The following ITGA8 variants were observed in gnomAD, a reference collection of about 807,000 sequenced individuals.
The protein encoded by ITGA8 is integrin subunit alpha 8, also known as integrin alpha-8.
A neutral mutation model predicts 142.3 loss-of-function variants in ITGA8; 91 were observed. The ratio of observed to expected loss-of-function variants is 0.64; its 90% CI spans 0.54 to 0.76. The LOEUF (loss-of-function observed/expected upper bound fraction) is 0.76, where lower values mean the gene tolerates loss of function less well. ITGA8 is among the 30% of genes least tolerant of loss of function. ITGA8 has a pLI of 0.00. For missense variants in ITGA8, 1,406 were observed against 1,327.7 expected (o/e 1.06, Z -0.92); for synonymous variants, 505 against 485.2 (o/e 1.04, Z -0.54).
intron 27 of ITGA8, among the ~76,000 whole-genome samples, chr10:15,546,492 C>T (rs555011342): frequency 9.9e-5 from 15 of 152,284 alleles, no homozygotes; most frequent in African/African-American, 3.6e-4. Flanking sequence ...CCCCTGAGGA[C>T]ATTGGCAATA....
intron 27 of ITGA8, among the ~76,000 whole-genome samples, chr10:15,533,135 T>G (rs1020356694): frequency 6.6e-6 from 1 of 152,232 alleles, no homozygotes; most frequent in Non-Finnish European, 1.5e-5. Flanking sequence ...ATAATTTTCC[T>G]TAAATATTTT....
At position 15,516,903 on chromosome 10, in the gene ITGA8, T is replaced by C. The variant is rs1832971515; in HGVS notation, c.*255A>G. ...AAAGTGTCTGCCAAGTACAGAACGA[T>C]TAAAGCAAAAGAAAATCTTCCACAA... On this transcript the variant is annotated 3_prime_UTR_variant, in exon 30 of 30. Transcript: ENST00000378076. 5.5e-6 allele frequency: 2 copies of C among 363,778 alleles called. No individual in the cohort carries two copies. The highest frequency in any genetic ancestry group is 1.0e-5 in the Non-Finnish European group (2 of 198,068). 22.5% of individuals were successfully genotyped at this position (363,778 alleles called of 1,614,324 possible). A position where few individuals can be genotyped will look rare whatever the true frequency, so the allele number is the denominator to read the frequency against.
Position 15,644,108 on chromosome 10 carries a change from A to G in ITGA8, c.1321T>C (p.Trp441Arg), listed in dbSNP as rs1833920551. 6 of 1,614,040 alleles carry G rather than the reference A, an allele frequency of 3.7e-6. No homozygotes were observed. The change falls in exon 13 of 30, where the codon TGG (tryptophan) becomes CGG (arginine). Residue 441 changes from tryptophan to arginine, a missense_variant. Coordinates refer to ENST00000378076, the MANE Select transcript of ITGA8 (RefSeq NM_003638.3). Reference sequence around the variant, plus strand: ...CCGGAAGGGACAGCATGTGAGGCCCACACTCCTTGCAGAACTTGGGAAGGC... The same window carrying G: ...CCGGAAGGGACAGCATGTGAGGCCCGCACTCCTTGCAGAACTTGGGAAGGC... ...TKPSQVLQGVWASHAVPSGFG... is the reference protein window; with the variant it reads ...TKPSQVLQGVRASHAVPSGFG...
At chr10:15,705,068 C>A (rs1835233210) in intron 2 of ITGA8, among the ~76,000 whole-genome samples, 1 of 152,084 alleles carries the variant, frequency 6.6e-6, no homozygotes, top group Non-Finnish European at 1.5e-5. Context: ...AGAATTCAAA[C>A]CTTCTGTGTC....
At chr10:15,548,098 A>ATTTTTT (rs1213511861) in intron 27 of ITGA8, among the ~76,000 whole-genome samples, 8 of 147,296 alleles carry the variant, frequency 5.4e-5, no homozygotes, top group African/African-American at 2.0e-4. Flanking sequence ...TCAAGTTTTA[A>ATTTTTT]TTTTTTTTTT....
chr10:15,570,663 G>A (rs1286282046), intron 25 of ITGA8, among the ~76,000 whole-genome samples: 8 of 149,624 alleles, frequency 5.3e-5, no homozygotes, highest in Admixed American at 5.3e-4. Context: ...GGGAACACCA[G>A]GTGCTTAGTA....
chr10:15,630,393 C>T (rs921708834), intron 13 of ITGA8, among the ~76,000 whole-genome samples: 2 of 152,030 alleles, frequency 1.3e-5, no homozygotes, highest in Non-Finnish European at 2.9e-5. Flanking sequence ...TTGTGCCAGC[C>T]GCTGCCTTGG....
chr10:15,531,576 T>C (rs1833295714), intron 27 of ITGA8, among the ~76,000 whole-genome samples: 2 of 152,070 alleles, frequency 1.3e-5, no homozygotes, highest in Admixed American at 1.3e-4. Flanking sequence ...AGGAGAAACA[T>C]AATGGGTGAC....
At chr10:15,573,979 TTA>T (rs1238821004) in intron 24 of ITGA8, among the ~76,000 whole-genome samples, 4 of 152,188 alleles carry the variant, frequency 2.6e-5, no homozygotes, top group Non-Finnish European at 4.4e-5. Context: ...AGAAAATTAT[TTA>T]TGTTTGTTTA....
chr10:15,608,296 G>GA lies in ITGA8; in HGVS notation c.1554-7dup, dbSNP rs1307774996. On this transcript the variant is annotated splice_region_variant and splice_polypyrimidine_tract_variant and intron_variant, in intron 15 of 29. Transcript: ENST00000378076. ...CACATACTCTTAAAGAAAAGCTATAGAAAATAGTAGTAATTTATTGGTTAA... is the reference window on the plus strand; with the variant it reads ...CACATACTCTTAAAGAAAAGCTATAGAAAAATAGTAGTAATTTATTGGTTAA... 2 of 1,570,454 alleles carry GA rather than the reference G, an allele frequency of 1.3e-6. No homozygotes were observed. Among genetic ancestry groups the GA allele is most frequent in the Non-Finnish European group, 1.7e-6 (2 of 1,154,500 alleles).
At chr10:15,627,542 A>G (rs1479012236) in intron 13 of ITGA8, among the ~76,000 whole-genome samples, 1 of 152,232 alleles carries the variant, frequency 6.6e-6, no homozygotes, top group Non-Finnish European at 1.5e-5. Flanking sequence ...AAAGAAGAGC[A>G]TCACATGAAC....
chr10:15,622,484 T>C (rs1223718893), intron 13 of ITGA8, among the ~76,000 whole-genome samples: 1 of 152,114 alleles, frequency 6.6e-6, no homozygotes, highest in East Asian at 1.9e-4. Context: ...ATAAAAACAT[T>C]ATGATTAATC....
chr10:15,572,879 G>A (rs1038685182), intron 24 of ITGA8, among the ~76,000 whole-genome samples: 6 of 152,176 alleles, frequency 3.9e-5, no homozygotes, highest in Non-Finnish European at 8.8e-5. Flanking sequence ...TCGAGTGCGT[G>A]TTTCAAAGCT....
At chr10:15,645,663 T>G (rs1287199750) in intron 12 of ITGA8, among the ~76,000 whole-genome samples, 1 of 152,230 alleles carries the variant, frequency 6.6e-6, no homozygotes, top group East Asian at 1.9e-4. Context: ...AATACTAATC[T>G]GATGTGAATA....
At chr10:15,584,294 A>AG (rs1414523737) in intron 23 of ITGA8, among the ~76,000 whole-genome samples, 2 of 120,788 alleles carry the variant, frequency 1.7e-5, no homozygotes, top group Non-Finnish European at 3.8e-5. Flanking sequence ...GAGACTGTCA[A>AG]GAAAAAGAAA....
intron 2 of ITGA8, among the ~76,000 whole-genome samples, chr10:15,692,523 A>G (rs989655542): frequency 6.6e-6 from 1 of 152,182 alleles, no homozygotes; most frequent in African/African-American, 2.4e-5. Flanking sequence ...AATATTTCCA[A>G]ATCTTTCCCA....
intron 17 of ITGA8, 132 bp downstream of exon 17, chr10:15,607,545 A>C: frequency 1.2e-6 from 1 of 818,294 alleles, no homozygotes; most frequent in Non-Finnish European, 2.0e-6. Flanking sequence ...CCTAAAATAA[A>C]GTTTCCTGCT....
intron 10 of ITGA8, among the ~76,000 whole-genome samples, chr10:15,655,624 C>A (rs532433664): frequency 2.0e-5 from 3 of 152,254 alleles, no homozygotes; most frequent in East Asian, 3.9e-4. Context: ...GCTTGGACAT[C>A]CTCTGGGGAT....
chr10:15,584,032 C>T (rs757512984), intron 23 of ITGA8, among the ~76,000 whole-genome samples: 2 of 152,192 alleles, frequency 1.3e-5, no homozygotes, highest in Non-Finnish European at 1.5e-5. Context: ...TGTGATGGCT[C>T]ATGCCTGTAA....
Sources: allele counts gnomAD v4.1 joint callset (sites outside exome capture counted in the v4.1 genomes callset), GRCh38; gene constraint gnomAD v4.1.1; transcripts MANE v1.5; gene names NCBI Gene and HGNC (gene_info 2026-07-23, HGNC 2026-07-21).